Variants in C1orf185 observed in about 807,000 individuals in gnomAD.
The protein encoded by C1orf185 is chromosome 1 open reading frame 185, also known as uncharacterized protein C1orf185.
A neutral mutation model predicts 16.1 loss-of-function variants in C1orf185; 13 were observed. The ratio of observed to expected loss-of-function variants is 0.81; its 90% CI spans 0.53 to 1.28. C1orf185 has a LOEUF of 1.28. Ranked by LOEUF, C1orf185 falls within the 50% of genes most tolerant of loss-of-function variation. The probability of loss-of-function intolerance (pLI) is 0.00; values close to 1 mark genes in which losing one functional copy is unlikely to be tolerated. For missense variants in C1orf185, 220 were observed against 225.2 expected (o/e 0.98, Z 0.15); for synonymous variants, 80 against 76.9 (o/e 1.04, Z -0.21).
chr1:51,123,968 T>TTA (rs1271900118), intron 3 of C1orf185, among the ~76,000 whole-genome samples: 202 of 148,436 alleles, frequency 1.4e-3, no homozygotes, highest in South Asian at 5.7e-3. Context: ...CACACACACA[T>TTA]TATATATATA....
chr1:51,149,602 C>T (rs941397294), downstream of C1orf185, among the ~76,000 whole-genome samples: 1 of 152,096 alleles, frequency 6.6e-6, no homozygotes, highest in African/African-American at 2.4e-5. Context: ...CCTAAAACTT[C>T]CCTAGGAATT....
chr1:51,150,097 TG>T (rs1367202738), downstream of C1orf185, among the ~76,000 whole-genome samples: 2 of 152,194 alleles, frequency 1.3e-5, no homozygotes, highest in Non-Finnish European at 2.9e-5. Flanking sequence ...CAAAGCATCA[TG>T]CCTGACCAAA....
intron 3 of C1orf185, among the ~76,000 whole-genome samples, chr1:51,132,588 A>G (rs1282759836): frequency 1.3e-5 from 2 of 152,206 alleles, no homozygotes; most frequent in East Asian, 3.8e-4. Flanking sequence ...GAAATATGGG[A>G]TAATGTAAAG....
chr1:51,111,008 A>C (rs1376444221), intron 1 of C1orf185, among the ~76,000 whole-genome samples: 2 of 152,068 alleles, frequency 1.3e-5, no homozygotes, highest in Non-Finnish European at 2.9e-5. Flanking sequence ...ACAAAAAAAC[A>C]GAAAGCTTTC....
At chr1:51,116,750 T>G (rs1557645049) in intron 2 of C1orf185, among the ~76,000 whole-genome samples, 1 of 152,178 alleles carries the variant, frequency 6.6e-6, no homozygotes, top group Non-Finnish European at 1.5e-5. Flanking sequence ...CTTTCCCTCC[T>G]GCTTTCTGTG....
intron 3 of C1orf185, among the ~76,000 whole-genome samples, chr1:51,125,138 A>G (rs764494956): frequency 1.7e-4 from 26 of 152,242 alleles, no homozygotes; most frequent in Non-Finnish European, 3.2e-4. Context: ...TTGTGCCAGC[A>G]TCATCTTCAT....
At chr1:51,144,381 G>A (rs1241475600) in intron 3 of C1orf185, among the ~76,000 whole-genome samples, 3 of 152,164 alleles carry the variant, frequency 2.0e-5, no homozygotes, top group African/African-American at 7.2e-5. Flanking sequence ...AGCCCATACT[G>A]GCATTTGTTA....
At chr1:51,115,916 T>A (rs990731107) in intron 2 of C1orf185, among the ~76,000 whole-genome samples, 6 of 152,130 alleles carry the variant, frequency 3.9e-5, no homozygotes, top group Non-Finnish European at 7.3e-5. Context: ...ATGGCAGAGT[T>A]AATGCTGATG....
At chr1:51,124,881 G>A (rs527411786) in intron 3 of C1orf185, among the ~76,000 whole-genome samples, 1 of 152,298 alleles carries the variant, frequency 6.6e-6, no homozygotes, top group African/African-American at 2.4e-5. Flanking sequence ...CAGCAGGGTT[G>A]TGACCAGAAA....
chr1:51,103,631 T>G (rs1282100020), intron 1 of C1orf185, among the ~76,000 whole-genome samples: 2 of 151,684 alleles, frequency 1.3e-5, no homozygotes, highest in Non-Finnish European at 2.9e-5. Flanking sequence ...CCTTCTGGGT[T>G]CAAGCAATTC....
At position 51,136,702 on chromosome 1, in the gene C1orf185, T is replaced by C. The variant is rs139297840; in HGVS notation, c.259-9022T>C. ...GTGTTGGGATAACTGGCTAACCATA[T>C]GCAGAAGACTGAAACTGGACCCCTT... On this transcript the variant is annotated intron_variant, in intron 3 of 4. Transcript: ENST00000371759. 3.6e-3 allele frequency among the ~76,000 whole-genome samples: 545 copies of C among 152,284 alleles called. 1 individual carries two copies. Among genetic ancestry groups the C allele is most frequent in the Non-Finnish European group, 4.4e-3 (302 of 68,016 alleles).
rs1420635268 is a variant in C1orf185, at chr1:51,122,984, T to C, written c.258+4183T>C. 2.0e-5 allele frequency among the ~76,000 whole-genome samples: 3 copies of C among 152,298 alleles called. No homozygotes were observed. The East Asian group carries it at 5.8e-4, about 29-fold the overall frequency. On this transcript the variant is annotated intron_variant, in intron 3 of 4. Coordinates refer to ENST00000371759, the MANE Select transcript of C1orf185 (RefSeq NM_001136508.2). ...ACCAGAATACCTGAAACTGGGTAAT[T>C]TATTAAAAACGAAATGTATTTCTTA...
At chr1:51,145,351 C>A (rs2148034093) in intron 3 of C1orf185, among the ~76,000 whole-genome samples, 1 of 151,420 alleles carries the variant, frequency 6.6e-6, no homozygotes, top group Admixed American at 6.6e-5. Context: ...TTTATAAAGA[C>A]CTTCAACCAG....
intron 2 of C1orf185, among the ~76,000 whole-genome samples, chr1:51,116,042 G>A (rs1048166381): frequency 2.0e-5 from 3 of 152,070 alleles, no homozygotes; most frequent in Non-Finnish European, 2.9e-5. Context: ...GGGGGCTGGT[G>A]ATAAAAATGA....
chr1:51,117,126 C>A (rs560122377), intron 2 of C1orf185, among the ~76,000 whole-genome samples: 1 of 152,256 alleles, frequency 6.6e-6, no homozygotes, highest in Non-Finnish European at 1.5e-5. Context: ...CTTTTTCCTC[C>A]TACCACTATA....
chr1:51,144,707 T>C (rs1646387799), intron 3 of C1orf185, among the ~76,000 whole-genome samples: 1 of 152,056 alleles, frequency 6.6e-6, no homozygotes. Flanking sequence ...AATGAGACCC[T>C]GTCTCAGAAA....
intron 3 of C1orf185, among the ~76,000 whole-genome samples, chr1:51,142,790 T>A (rs1370175733): frequency 2.6e-5 from 4 of 152,158 alleles, no homozygotes; most frequent in Non-Finnish European, 5.9e-5. Context: ...TGATTTTTAT[T>A]TATAGGCAGA....
At chr1:51,112,009 A>C (rs1472119458) in intron 1 of C1orf185, among the ~76,000 whole-genome samples, 1 of 152,198 alleles carries the variant, frequency 6.6e-6, no homozygotes, top group African/African-American at 2.4e-5. Flanking sequence ...AAGATCTTAA[A>C]AATTCCTCAT....
intron 3 of C1orf185, among the ~76,000 whole-genome samples, chr1:51,130,942 G>T (rs546648811): frequency 6.6e-6 from 1 of 151,874 alleles, no homozygotes; most frequent in Non-Finnish European, 1.5e-5. Context: ...CACTCTTGTC[G>T]CCCAGGCTGG....
Sources: allele counts gnomAD v4.1 joint callset (sites outside exome capture counted in the v4.1 genomes callset), GRCh38; gene constraint gnomAD v4.1.1; transcripts MANE v1.5; gene names NCBI Gene and HGNC (gene_info 2026-07-23, HGNC 2026-07-21).